NOL4L: variants seen among roughly 807,000 people sequenced by gnomAD.
The protein encoded by NOL4L is nucleolar protein 4 like, also known as nucleolar protein 4-like.
A neutral mutation model predicts 64.5 loss-of-function variants in NOL4L; 7 were observed. The observed-to-expected ratio is 0.11, with a 90% confidence interval of 0.06 to 0.20. The LOEUF (loss-of-function observed/expected upper bound fraction) is 0.20. NOL4L is among the 10% of genes least tolerant of loss of function. The pLI, the probability that NOL4L is intolerant of heterozygous loss-of-function variation, is 1.00. For synonymous variants in NOL4L, 413 were observed against 401.0 expected (o/e 1.03, Z -0.36); for missense variants, 680 against 967.1 (o/e 0.70, Z 3.94).
chr20:32,579,028 G>A (rs982580183), intron 1 of NOL4L, among the ~76,000 whole-genome samples: 7 of 152,196 alleles, frequency 4.6e-5, no homozygotes, highest in South Asian at 2.1e-4. Context: ...CTGAGACTCC[G>A]GGGATGGCAG....
At chr20:32,474,170 A>C (rs998406131) in intron 5 of NOL4L, among the ~76,000 whole-genome samples, 5 of 152,204 alleles carry the variant, frequency 3.3e-5, no homozygotes, top group African/African-American at 4.8e-5. Flanking sequence ...CTGCCTGGTC[A>C]CTCACCAGGT....
intron 4 of NOL4L, chr20:32,486,573 G>T: frequency 2.7e-6 from 1 of 371,444 alleles, no homozygotes; most frequent in Non-Finnish European, 5.6e-6. Flanking sequence ...ACTCTGGTTT[G>T]CCATTATTAG....
intron 2 of NOL4L, among the ~76,000 whole-genome samples, chr20:32,522,677 G>A (rs1353079821): frequency 1.3e-5 from 2 of 152,252 alleles, no homozygotes; most frequent in Non-Finnish European, 2.9e-5. Flanking sequence ...TGGGTCTGGA[G>A]AGAGATGTCT....
chr20:32,510,990 G>A (rs933336338), intron 4 of NOL4L, among the ~76,000 whole-genome samples: 10 of 152,092 alleles, frequency 6.6e-5, no homozygotes, highest in Non-Finnish European at 1.3e-4. Context: ...TGCCTCCCTG[G>A]GGGAAGGTGG....
chr20:32,479,561 G>A (rs533727612), intron 4 of NOL4L, among the ~76,000 whole-genome samples: 54 of 152,210 alleles, frequency 3.5e-4, no homozygotes, highest in Middle Eastern at 3.4e-3. Context: ...GTGAGACGCT[G>A]TCTCTATTTA....
rs141719156 is a variant in NOL4L, at chr20:32,510,884, C to T, written c.699+463G>A. 4.0e-3 allele frequency among the ~76,000 whole-genome samples: 611 copies of T among 152,220 alleles called. 2 individuals carry two copies. Among genetic ancestry groups the T allele is most frequent in the Middle Eastern group, 0.014 (4 of 294 alleles). ...CAAACCCCAGCTGGGGAGGCTTGGACGGCCAGGAGGCCCCAGGTCCACCCT... is the reference window on the plus strand; with the variant it reads ...CAAACCCCAGCTGGGGAGGCTTGGATGGCCAGGAGGCCCCAGGTCCACCCT... On this transcript the variant is annotated intron_variant, in intron 4 of 10. Coordinates refer to ENST00000621426, the MANE Select transcript of NOL4L (RefSeq NM_001256798.2).
At chr20:32,547,501 G>C (rs879321737) in intron 1 of NOL4L, among the ~76,000 whole-genome samples, 2 of 152,030 alleles carry the variant, frequency 1.3e-5, no homozygotes, top group African/African-American at 4.8e-5. Flanking sequence ...ATGTTGCCCA[G>C]GCTGGTCTTG....
rs185073957 is a variant in NOL4L at position 32,455,619 on chromosome 20, A to T, written c.1119+499T>A. Among the ~76,000 whole-genome samples, 496 of 152,270 alleles carry T rather than the reference A, an allele frequency of 3.3e-3. 1 individual carries two copies. The highest frequency in any genetic ancestry group is 5.4e-3 in the Non-Finnish European group (366 of 68,010). ...AGGGGGGATGCCCACTGGTAGGGGTACGTACTGTGCCCACCCTTACCACCG... is the reference window on the plus strand; with the variant it reads ...AGGGGGGATGCCCACTGGTAGGGGTTCGTACTGTGCCCACCCTTACCACCG... On this transcript the variant is annotated intron_variant, in intron 6 of 10. Coordinates refer to ENST00000621426, the MANE Select transcript of NOL4L (RefSeq NM_001256798.2).
At chr20:32,525,794 G>A (rs2145579140) in intron 2 of NOL4L, among the ~76,000 whole-genome samples, 1 of 152,224 alleles carries the variant, frequency 6.6e-6, no homozygotes, top group Non-Finnish European at 1.5e-5. Flanking sequence ...GTCTCACTCT[G>A]TCACCCTGGC....
At chr20:32,469,371 CTTTT>C (rs2014833671) in intron 5 of NOL4L, among the ~76,000 whole-genome samples, 1 of 144,182 alleles carries the variant, frequency 6.9e-6, no homozygotes, top group Non-Finnish European at 1.5e-5. Flanking sequence ...ATTTTTTTTT[CTTTT>C]TTTTCTTTTT....
intron 1 of NOL4L, chr20:32,573,611 T>C: frequency 4.9e-6 from 1 of 206,046 alleles, no homozygotes; most frequent in Non-Finnish European, 1.0e-5. Flanking sequence ...AATCCATAGC[T>C]ATTGTCATCC....
chr20:32,581,242 CCAG>C (rs1200906998), intron 1 of NOL4L, among the ~76,000 whole-genome samples: 1 of 152,190 alleles, frequency 6.6e-6, no homozygotes, highest in African/African-American at 2.4e-5. Context: ...TCCCCCACGC[CCAG>C]GCTTCTCCTC....
chr20:32,464,423 G>A lies in NOL4L; in HGVS notation c.842-8028C>T, dbSNP rs2014366581. Among the ~76,000 whole-genome samples the A allele has an allele frequency of 6.6e-6, 1 of 152,202 alleles. No individual in the cohort carries two copies. The highest frequency in any genetic ancestry group is 2.4e-5 in the African/African-American group (1 of 41,446). Reference sequence around the variant, plus strand: ...CCCTCAGGCCCCAGCTGCCTGCACAGCTGCCCTCCTGAGCGCCCAGCTCTG... The same window carrying A: ...CCCTCAGGCCCCAGCTGCCTGCACAACTGCCCTCCTGAGCGCCCAGCTCTG... On this transcript the variant is annotated intron_variant, in intron 5 of 10. Coordinates refer to ENST00000621426, the MANE Select transcript of NOL4L (RefSeq NM_001256798.2). The surrounding 1 kb of genome is among the most constrained non-coding windows in gnomAD (Gnocchi z 5.6).
chr20:32,537,185 TCA>T (rs751157144), intron 1 of NOL4L: 2 of 882,812 alleles, frequency 2.3e-6, no homozygotes, highest in Non-Finnish European at 2.7e-6. Context: ...CCCGTAGTCC[TCA>T]CAGACCCTCC....
intron 10 of NOL4L, among the ~76,000 whole-genome samples, chr20:32,448,679 G>A (rs1218913845): frequency 6.6e-6 from 1 of 152,210 alleles, no homozygotes; most frequent in Non-Finnish European, 1.5e-5. Flanking sequence ...ACTCGCTTCT[G>A]GAGAAACTGC....
At chr20:32,538,158 C>T (rs1015446621) in intron 1 of NOL4L, among the ~76,000 whole-genome samples, 17 of 152,304 alleles carry the variant, frequency 1.1e-4, no homozygotes, top group African/African-American at 4.1e-4. Context: ...TTCTAGGCCA[C>T]CCCTTCCATT....
chr20:32,513,855 G>T (rs957170243), intron 3 of NOL4L, among the ~76,000 whole-genome samples: 1 of 152,078 alleles, frequency 6.6e-6, no homozygotes, highest in African/African-American at 2.4e-5. Flanking sequence ...AACAACAACA[G>T]AAACAAACAA....
rs1262623345 is a variant in NOL4L at position 32,520,831 on chromosome 20, G to A, written c.569C>T (p.Ser190Phe). The change falls in exon 3 of 11, where the codon TCC becomes TTC. Residue 190 changes from serine (S) to phenylalanine (F), a missense_variant. Ser to Phe is a radical substitution (Grantham distance 155, BLOSUM62 -2). Transcript: ENST00000621426. ...GCTACCTTTGGGTTCCAGGCCATTG[G>A]AGTTAAAGTGCATCCTCTTCTGACA... ...TECQKRMHFN[S>F]NGLEPKENEP... The A allele has an allele frequency of 1.9e-6, 3 of 1,550,232 alleles. No homozygotes were observed. The highest frequency in any genetic ancestry group is 2.0e-5 in the Admixed American group (1 of 50,976).
intron 6 of NOL4L, among the ~76,000 whole-genome samples, chr20:32,455,220 C>G (rs1357854042): frequency 6.6e-6 from 1 of 152,158 alleles, no homozygotes; most frequent in Non-Finnish European, 1.5e-5. Context: ...GCCACAGTGG[C>G]AATGGCTGCT....
Sources: allele counts gnomAD v4.1 joint callset (sites outside exome capture counted in the v4.1 genomes callset), GRCh38; gene constraint gnomAD v4.1.1; non-coding constraint Gnocchi (gnomAD v3.1); transcripts MANE v1.5; gene names NCBI Gene and HGNC (gene_info 2026-07-23, HGNC 2026-07-21).